The following USH2A variants were observed in gnomAD, a reference collection of about 807,000 sequenced individuals.
The protein encoded by USH2A is Usher syndrome 2A (autosomal recessive, mild).
In USH2A, 443 loss-of-function variants were observed where a neutral mutation model predicts 538.9. The ratio of observed to expected loss-of-function variants is 0.82; its 90% confidence interval spans 0.76 to 0.89. The LOEUF is 0.89. USH2A is among the 40% of genes least tolerant of loss of function. The probability of loss-of-function intolerance (pLI) is 0.00; values close to 1 mark genes in which losing one functional copy is unlikely to be tolerated. For missense variants in USH2A, 6,633 were observed against 6,324.8 expected, an observed-to-expected ratio of 1.05 and a Z score of -1.65; for synonymous variants, 2,413 against 2,273.5, an observed-to-expected ratio of 1.06 and a Z score of -1.75.
intron 21 of USH2A, among the ~76,000 whole-genome samples, chr1:216,106,484 A>G (rs1301263074): frequency 6.6e-6 from 1 of 151,246 alleles, no homozygotes; most frequent in Non-Finnish European, 1.5e-5. Flanking sequence ...TATTTCCTCT[A>G]TTAATGTGGT....
At chr1:215,710,709 A>C (rs1336535247) in intron 61 of USH2A, among the ~76,000 whole-genome samples, 1 of 152,168 alleles carries the variant, frequency 6.6e-6, no homozygotes, top group Non-Finnish European at 1.5e-5. Context: ...TGACTTTTAA[A>C]GTGATATATT....
rs757676723 is a variant in USH2A, at chr1:215,639,190, G to A, written c.15017C>T (p.Thr5006Met). 9.9e-6 allele frequency: 16 copies of A among 1,613,964 alleles called. No homozygotes were observed. Among genetic ancestry groups the A allele is most frequent in the Non-Finnish European group, 1.2e-5 (14 of 1,180,004 alleles). ...ICTTDEGSVK[T>M]PLIQYDTSTG... ...AGAGGTATCATATTGGATCAACGGCGTCTTAACACTTCCTTCGTCAGTCGT... is the reference window on the plus strand; with the variant it reads ...AGAGGTATCATATTGGATCAACGGCATCTTAACACTTCCTTCGTCAGTCGT... Residue 5006 changes from threonine to methionine, a missense_variant, in exon 69 of 72, where the codon ACG becomes ATG. Physicochemically the swap from Thr to Met is moderately conservative, Grantham distance 81 (BLOSUM62 -1). Coordinates refer to ENST00000307340, the MANE Select transcript of USH2A (RefSeq NM_206933.4).
chr1:216,217,640 G>T, intron 14 of USH2A, 90 bp from the exon 15 acceptor site: 1 of 1,469,750 alleles, frequency 6.8e-7, no homozygotes, highest in Non-Finnish European at 9.4e-7. Flanking sequence ...GCATTGTAGA[G>T]TAAGACGGCT....
At position 215,675,016 on chromosome 1, in the gene USH2A, T is replaced by G. The variant is rs1197075904; in HGVS notation, c.12895A>C (p.Arg4299=). The G allele has an allele frequency of 7.4e-6, 12 of 1,614,086 alleles. No homozygotes were observed. The African/African-American group carries it at 1.3e-4, about 18-fold the overall frequency. ...EQSNGIIQSY[R]LQRNEMLYPF... ...TAGAGCATTTCATTCCTTTGAAGCC[T>G]ATAGGACTGGATAATACCATTAGAC... Residue 4299 remains arginine, a synonymous_variant, in exon 63 of 72, where the codon AGG becomes CGG. Coordinates refer to ENST00000307340, the MANE Select transcript of USH2A (RefSeq NM_206933.4).
At chr1:216,289,560 G>A (rs2036959345) in intron 10 of USH2A, 150 bp from the exon 11 acceptor site, 2 of 1,024,334 alleles carry the variant, frequency 2.0e-6, no homozygotes, top group Non-Finnish European at 2.9e-6. Flanking sequence ...TGCCAATTTA[G>A]TGATCCAGAG....
At chr1:215,884,203 T>C (rs1235018695) in intron 41 of USH2A, among the ~76,000 whole-genome samples, 1 of 152,204 alleles carries the variant, frequency 6.6e-6, no homozygotes, top group Non-Finnish European at 1.5e-5. Context: ...ACCTGCACGT[T>C]CTGTACATGT....
At chr1:215,652,401 G>A (rs1421114766) in intron 64 of USH2A, among the ~76,000 whole-genome samples, 1 of 152,216 alleles carries the variant, frequency 6.6e-6, no homozygotes, top group Non-Finnish European at 1.5e-5. Flanking sequence ...TCTAGATTAG[G>A]TTAAGGTGTC....
chr1:215,858,670 G>C (rs1664235894), intron 44 of USH2A, among the ~76,000 whole-genome samples: 2 of 151,442 alleles, frequency 1.3e-5, no homozygotes, highest in Non-Finnish European at 1.5e-5. Flanking sequence ...AGCTGAAAAA[G>C]GTTGTAACCT....
intron 58 of USH2A, among the ~76,000 whole-genome samples, chr1:215,744,078 G>T (rs755506360): frequency 4.6e-5 from 7 of 152,096 alleles, no homozygotes; most frequent in Non-Finnish European, 1.0e-4. Context: ...TACTTTTAAA[G>T]TTCATAGAAA....
At chr1:215,781,389 T>G (rs1661630943) in intron 54 of USH2A, among the ~76,000 whole-genome samples, 1 of 152,212 alleles carries the variant, frequency 6.6e-6, no homozygotes, top group Non-Finnish European at 1.5e-5. Context: ...TTTTTAAAAA[T>G]TTGCTTGCAG....
At chr1:216,076,164 A>T (rs529685829) in intron 27 of USH2A, among the ~76,000 whole-genome samples, 3 of 152,276 alleles carry the variant, frequency 2.0e-5, no homozygotes, top group South Asian at 4.2e-4. Flanking sequence ...TATTTTTAAT[A>T]ACCATTCCAG....
At chr1:215,744,752 G>A (rs1433606408) in intron 58 of USH2A, among the ~76,000 whole-genome samples, 1 of 152,200 alleles carries the variant, frequency 6.6e-6, no homozygotes, top group Non-Finnish European at 1.5e-5. Flanking sequence ...GTGTCTGAAG[G>A]AGATATTGAT....
intron 61 of USH2A, among the ~76,000 whole-genome samples, chr1:215,725,861 T>C (rs1268983889): frequency 1.3e-5 from 2 of 152,142 alleles, no homozygotes; most frequent in African/African-American, 4.8e-5. Context: ...GTGATAAAAA[T>C]AGAGCCTAGA....
chr1:215,944,824 G>C (rs952154267), intron 37 of USH2A, among the ~76,000 whole-genome samples: 3 of 151,984 alleles, frequency 2.0e-5, no homozygotes, highest in Non-Finnish European at 1.5e-5. Flanking sequence ...AAAAATCAGT[G>C]GTAGGTAATT....
intron 3 of USH2A, among the ~76,000 whole-genome samples, chr1:216,412,828 T>C (rs1259642829): frequency 2.6e-5 from 4 of 152,034 alleles, no homozygotes; most frequent in East Asian, 3.9e-4. Flanking sequence ...ACTATAAATG[T>C]AGGCAGGTAG....
Position 215,675,522 on chromosome 1 carries a change from A to T in USH2A, c.12389T>A (p.Leu4130Gln), listed in dbSNP as rs1657993391. Residue 4130 changes from leucine to glutamine, a missense_variant, in exon 63 of 72, where the codon CTG becomes CAG. Leu to Gln is a moderately radical substitution (Grantham distance 113). Coordinates refer to ENST00000307340, the MANE Select transcript of USH2A (RefSeq NM_206933.4). ...TGCTCTGGTGCAGGCCTCCAGGGTC[A>T]GTGTGTAGAGAGTGAAAGGATCCAG... ...RRLDPFTLYT[L>Q]TLEACTRAGC... 1 of 1,613,922 alleles carries T rather than the reference A, an allele frequency of 6.2e-7. No individual in the cohort carries two copies. The highest frequency in any genetic ancestry group is 8.5e-7 in the Non-Finnish European group (1 of 1,180,002).
intron 37 of USH2A, among the ~76,000 whole-genome samples, chr1:215,937,343 C>A (rs1666529114): frequency 6.6e-6 from 1 of 152,082 alleles, no homozygotes; most frequent in African/African-American, 2.4e-5. Context: ...TCATTATGCA[C>A]TAAAAAGACA....
chr1:215,946,886 A>G (rs1666772076), intron 37 of USH2A, among the ~76,000 whole-genome samples: 1 of 152,200 alleles, frequency 6.6e-6, no homozygotes, highest in African/African-American at 2.4e-5. Flanking sequence ...GACTGAATAT[A>G]TCTGATAAAA....
At chr1:215,994,836 A>C (rs1668095739) in intron 34 of USH2A, among the ~76,000 whole-genome samples, 2 of 152,186 alleles carry the variant, frequency 1.3e-5, no homozygotes, top group African/African-American at 4.8e-5. Context: ...CAGACATTTC[A>C]AATGTGCTAA....
Sources: gnomAD v4.1 joint callset for allele counts (sites outside exome capture counted in the v4.1 genomes callset) on GRCh38, gnomAD v4.1.1 for gene constraint, MANE v1.5 for transcripts, NCBI Gene and HGNC (gene_info 2026-07-23, HGNC 2026-07-21) for gene names.